Variants in MYT1L observed in about 807,000 individuals in gnomAD.
The protein encoded by MYT1L is myelin transcription factor 1-like protein.
MYT1L carries 12 observed loss-of-function variants against 126.7 expected under a neutral mutation model. That is an observed-to-expected ratio of 0.09 (90% CI 0.06 to 0.15). The LOEUF (loss-of-function observed/expected upper bound fraction) is 0.15, where lower values mean the gene tolerates loss of function less well. Ranked by LOEUF, MYT1L falls within the 10% of genes least tolerant of loss-of-function variation. The pLI is 1.00. For synonymous variants in MYT1L, 541 were observed against 604.2 expected, an observed-to-expected ratio of 0.90 and a Z score of 1.53; for missense variants, 979 against 1,585.2, an observed-to-expected ratio of 0.62 and a Z score of 6.49.
At chr2:2,079,310 C>T (rs2075563187) in intron 3 of MYT1L, among the ~76,000 whole-genome samples, 1 of 152,020 alleles carries the variant, frequency 6.6e-6, no homozygotes, top group East Asian at 1.9e-4. Flanking sequence ...GACATGTATA[C>T]TAAAAGCTAT....
intron 3 of MYT1L, among the ~76,000 whole-genome samples, chr2:2,100,722 G>A (rs931587957): frequency 6.6e-6 from 1 of 152,026 alleles, no homozygotes; most frequent in African/African-American, 2.4e-5. Context: ...AGTCCCCTGG[G>A]TAATGGTGAG....
At chr2:2,115,747 C>A (rs140343420) in intron 3 of MYT1L, among the ~76,000 whole-genome samples, 1 of 152,204 alleles carries the variant, frequency 6.6e-6, no homozygotes, top group Non-Finnish European at 1.5e-5. Flanking sequence ...GCGGGAGTGT[C>A]GGGGTGGGGA....
chr2:1,982,095 A>G (rs913816611), intron 5 of MYT1L, among the ~76,000 whole-genome samples: 6 of 152,230 alleles, frequency 3.9e-5, no homozygotes, highest in Admixed American at 3.9e-4. Context: ...TGAAATTGCT[A>G]TTCAACATGA....
intron 2 of MYT1L, among the ~76,000 whole-genome samples, chr2:2,184,796 TGTA>T (rs1331975170): frequency 6.6e-6 from 1 of 152,160 alleles, no homozygotes; most frequent in Non-Finnish European, 1.5e-5. Flanking sequence ...CAGCTTCAGT[TGTA>T]GGAGAGACTC....
intron 21 of MYT1L, among the ~76,000 whole-genome samples, chr2:1,822,049 T>C (rs1316895401): frequency 6.6e-6 from 1 of 152,194 alleles, no homozygotes; most frequent in East Asian, 1.9e-4. Context: ...GCCTCTTTTC[T>C]ATGGAGGTTC....
chr2:1,876,490 C>T (rs1004878143), intron 18 of MYT1L, among the ~76,000 whole-genome samples: 7 of 152,124 alleles, frequency 4.6e-5, no homozygotes, highest in Non-Finnish European at 1.0e-4. Flanking sequence ...CCTGACCCCC[C>T]CGTCCATCTG....
At position 1,845,961 on chromosome 2, in the gene MYT1L, G is replaced by A. The variant is rs1012114281; in HGVS notation, c.2775-5118C>T. The stretch of plus-strand genomic sequence containing the variant: ...ACCATCCCTCATGCAGTGGCTCAGC[G>A]TCGCCTCCTCTCTCCTGGGCTCCAA... On this transcript the variant is annotated intron_variant, in intron 19 of 24. Coordinates refer to ENST00000647738, the MANE Select transcript of MYT1L (RefSeq NM_001303052.2). 2.6e-5 allele frequency among the ~76,000 whole-genome samples: 4 copies of A among 152,154 alleles called. No individual in the cohort carries two copies. The East Asian group carries it at 5.8e-4, about 22-fold the overall frequency.
At chr2:1,945,035 T>C (rs537003190) in intron 8 of MYT1L, among the ~76,000 whole-genome samples, 4 of 152,174 alleles carry the variant, frequency 2.6e-5, no homozygotes, top group Non-Finnish European at 5.9e-5. Flanking sequence ...ATTAAAACAA[T>C]CTGCGAAAGA....
At chr2:2,110,240 C>T (rs1386643756) in intron 3 of MYT1L, among the ~76,000 whole-genome samples, 2 of 151,984 alleles carry the variant, frequency 1.3e-5, no homozygotes, top group Admixed American at 6.6e-5. Flanking sequence ...GACTTATTCA[C>T]ATACAGTGCT....
intron 14 of MYT1L, 130 bp from the exon 15 acceptor site, chr2:1,892,417 GCTT>G (rs2049011008): frequency 4.8e-6 from 6 of 1,255,610 alleles, no homozygotes; most frequent in Admixed American, 3.0e-5. Context: ...GGGTGCTGGG[GCTT>G]ACGCGTAAAG....
rs191272339 is a variant in MYT1L at position 2,193,141 on chromosome 2, C to A, written c.-420-20153G>T. 4.4e-3 allele frequency among the ~76,000 whole-genome samples: 668 copies of A among 152,152 alleles called. 3 individuals are homozygous for A. Among genetic ancestry groups the A allele is most frequent in the Admixed American group, 7.6e-3 (116 of 15,278 alleles). On this transcript the variant is annotated intron_variant, in intron 2 of 24. Coordinates refer to ENST00000647738, the MANE Select transcript of MYT1L (RefSeq NM_001303052.2). ...TATAGGTGCCCACCACCACGCCTGGCTATTTTTTATATTTTTAGTAGAGAC... is the reference window on the plus strand; with the variant it reads ...TATAGGTGCCCACCACCACGCCTGGATATTTTTTATATTTTTAGTAGAGAC...
At chr2:2,122,870 TGTGAGA>T (rs1171061013) in intron 3 of MYT1L, among the ~76,000 whole-genome samples, 1 of 126,504 alleles carries the variant, frequency 7.9e-6, no homozygotes, top group East Asian at 2.3e-4. Flanking sequence ...TGTGTGTGTG[TGTGAGA>T]GAGAGAGAGA....
intron 2 of MYT1L, among the ~76,000 whole-genome samples, chr2:2,220,476 T>C (rs1197181694): frequency 6.6e-6 from 1 of 152,168 alleles, no homozygotes; most frequent in Non-Finnish European, 1.5e-5. Flanking sequence ...AGTCTCATAG[T>C]GGCTGCCCTT....
intron 2 of MYT1L, among the ~76,000 whole-genome samples, chr2:2,199,180 A>G (rs917399619): frequency 2.0e-5 from 3 of 152,250 alleles, no homozygotes; most frequent in Admixed American, 6.5e-5. Flanking sequence ...ATTGTCCTTA[A>G]TAACAAAGTA....
chr2:2,214,301 C>G (rs928382464), intron 2 of MYT1L, among the ~76,000 whole-genome samples: 9 of 147,328 alleles, frequency 6.1e-5, no homozygotes, highest in African/African-American at 2.3e-4. Flanking sequence ...ATCTATCTAT[C>G]TATGTTTGAA....
chr2:2,129,902 T>C (rs557723137), intron 3 of MYT1L, among the ~76,000 whole-genome samples: 319 of 120,150 alleles, frequency 2.7e-3, no homozygotes, highest in Middle Eastern at 4.5e-3. Context: ...CGAGACTCCA[T>C]CTCAAAAAAA....
intron 3 of MYT1L, among the ~76,000 whole-genome samples, chr2:2,108,701 AT>A (rs2079037209): frequency 6.6e-6 from 1 of 152,176 alleles, no homozygotes; most frequent in African/African-American, 2.4e-5. Context: ...CATTCAGGAC[AT>A]TTTTTTCTTA....
chr2:1,909,322 A>T (rs144708768), intron 13 of MYT1L, among the ~76,000 whole-genome samples: 46 of 152,314 alleles, frequency 3.0e-4, no homozygotes, highest in African/African-American at 1.1e-3. Flanking sequence ...TCTCTTTAAT[A>T]GTAAAAGCAG....
rs190473251 is a variant in MYT1L at position 1,850,009 on chromosome 2, C to T, written c.2774+1632G>A. On this transcript the variant is annotated intron_variant, in intron 19 of 24. Transcript: ENST00000647738. The stretch of plus-strand genomic sequence containing the variant: ...CACTCAGCTACTCTGTACAGACAAC[C>T]GTGCTCTAGGGGGCGGGGTGGTGAG... Among the ~76,000 whole-genome samples, 669 of 133,836 alleles carry T rather than the reference C, an allele frequency of 5.0e-3. 3 individuals carry two copies. Among genetic ancestry groups the T allele is most frequent in the Non-Finnish European group, 6.6e-3 (417 of 63,064 alleles). The allele number at this position is 133,836 out of a possible 152,430, so 87.8% of individuals were successfully genotyped here.
Sources: allele counts gnomAD v4.1 joint callset (sites outside exome capture counted in the v4.1 genomes callset), GRCh38; gene constraint gnomAD v4.1.1; transcripts MANE v1.5; gene names NCBI Gene and HGNC (gene_info 2026-07-23, HGNC 2026-07-21).